Variants in NELL1 observed in about 807,000 individuals in gnomAD.
NELL1 encodes neural EGFL like 1.
Under a neutral mutation model 107.4 loss-of-function variants are expected in NELL1, and 76 were observed. The observed-to-expected ratio is 0.71, with a 90% CI of 0.59 to 0.86. NELL1 has a LOEUF of 0.86. Among genes scored for constraint, NELL1 ranks in the 40% least tolerant of loss-of-function variants. The pLI is 0.00. For synonymous variants in NELL1, 353 were observed against 341.2 expected (o/e 1.03, Z -0.38); for missense variants, 1,024 against 1,005.5 (o/e 1.02, Z -0.25).
At chr11:21,381,072 C>G (rs575587829) in intron 15 of NELL1, among the ~76,000 whole-genome samples, 6 of 152,066 alleles carry the variant, frequency 3.9e-5, no homozygotes, top group Admixed American at 3.9e-4. Context: ...GATTCTAACC[C>G]GTGTATTGCT....
In NELL1 at chr11:21,394,440, G is replaced by GTA. The variant is rs541947713; in HGVS notation, c.1645+23500_1645+23501dup. The stretch of plus-strand genomic sequence containing the variant: ...TATGTATATAGCCCTATATATGTGT[G>GTA]TATATATATGGCCGTGTGTGTGTGT... On this transcript the variant is annotated intron_variant, in intron 15 of 19. Transcript: ENST00000357134. Among the ~76,000 whole-genome samples the GTA allele has an allele frequency of 2.4e-3, 357 of 151,428 alleles. 1 individual carries two copies. The highest frequency in any genetic ancestry group is 0.02 in the Middle Eastern group (6 of 294).
chr11:21,279,679 A>G lies in NELL1; in HGVS notation c.1549+50225A>G, dbSNP rs1848947823. On this transcript the variant is annotated intron_variant, in intron 14 of 19. Coordinates refer to ENST00000357134, the MANE Select transcript of NELL1 (RefSeq NM_006157.5). ...AAAGCAGTTTCTCACAAAGCTAAGC[A>G]TGTTCTTACCATGCGATACAGCAAT... 2.0e-5 allele frequency among the ~76,000 whole-genome samples: 3 copies of G among 152,220 alleles called. No individual in the cohort carries two copies. The South Asian group carries it at 6.2e-4, about 31-fold the overall frequency.
chr11:21,407,983 T>C (rs192851039), intron 15 of NELL1, among the ~76,000 whole-genome samples: 2 of 152,066 alleles, frequency 1.3e-5, no homozygotes, highest in East Asian at 2.0e-4. Flanking sequence ...ATATGCTTCT[T>C]ATATGTTTCT....
rs1367435136 is a variant in NELL1 at position 21,173,581 on chromosome 11, T to A, written c.1427-55751T>A. ...TGCCTTCAGTTTAGTTCAACAGTTA[T>A]TTGAGAGCAAACTAGGTACTGAATG... On this transcript the variant is annotated intron_variant, in intron 13 of 19. Coordinates refer to ENST00000357134, the MANE Select transcript of NELL1 (RefSeq NM_006157.5). Among the ~76,000 whole-genome samples the A allele has an allele frequency of 1.3e-5, 2 of 151,840 alleles. 1 individual carries two copies. Among genetic ancestry groups the A allele is most frequent in the African/African-American group, 4.9e-5 (2 of 41,154 alleles).
chr11:21,465,666 T>G (rs1461882805), intron 15 of NELL1, among the ~76,000 whole-genome samples: 2 of 152,092 alleles, frequency 1.3e-5, no homozygotes, highest in Non-Finnish European at 2.9e-5. Context: ...ACAAGTTATT[T>G]TCTGAAGAGA....
At chr11:20,850,800 A>G (rs1177911183) in intron 4 of NELL1, among the ~76,000 whole-genome samples, 1 of 152,188 alleles carries the variant, frequency 6.6e-6, no homozygotes, top group African/African-American at 2.4e-5. Context: ...GAAGGGATAT[A>G]CATTTATTGA....
intron 3 of NELL1, among the ~76,000 whole-genome samples, chr11:20,813,488 G>T (rs1008296725): frequency 1.3e-5 from 2 of 152,016 alleles, no homozygotes; most frequent in African/African-American, 4.8e-5. Context: ...ACCATTGCTG[G>T]CTCATTTGTC....
At chr11:21,126,989 A>C (rs1337691025) in intron 13 of NELL1, among the ~76,000 whole-genome samples, 1 of 152,250 alleles carries the variant, frequency 6.6e-6, no homozygotes, top group African/African-American at 2.4e-5. Flanking sequence ...CCCTTTAAAA[A>C]TTTAACTTTG....
chr11:21,157,126 C>T (rs184604034), intron 13 of NELL1, among the ~76,000 whole-genome samples: 5 of 146,810 alleles, frequency 3.4e-5, no homozygotes, highest in African/African-American at 7.6e-5. Context: ...TATATATACA[C>T]GTACATATAT....
intron 15 of NELL1, among the ~76,000 whole-genome samples, chr11:21,399,244 G>A (rs973571444): frequency 6.6e-6 from 1 of 151,570 alleles, no homozygotes; most frequent in African/African-American, 2.4e-5. Context: ...TGATGAGTAG[G>A]GAGGAAGCAA....
intron 15 of NELL1, among the ~76,000 whole-genome samples, chr11:21,479,290 T>G (rs952836320): frequency 6.6e-6 from 1 of 152,148 alleles, no homozygotes; most frequent in Non-Finnish European, 1.5e-5. Flanking sequence ...GCAACCTAAA[T>G]GTCCATCAAC....
intron 12 of NELL1, among the ~76,000 whole-genome samples, chr11:21,012,511 T>A (rs1852470484): frequency 1.3e-5 from 2 of 152,126 alleles, no homozygotes; most frequent in Admixed American, 6.5e-5. Context: ...GATGAGAACC[T>A]CTTGCCCACT....
intron 5 of NELL1, among the ~76,000 whole-genome samples, chr11:20,917,012 A>G (rs1850272860): frequency 6.6e-6 from 1 of 152,004 alleles, no homozygotes; most frequent in Non-Finnish European, 1.5e-5. Flanking sequence ...AAATTGCCAC[A>G]TGTGCTTGAA....
Position 21,055,638 on chromosome 11 carries a change from C to T in NELL1, c.1301-57951C>T, listed in dbSNP as rs115042051. ...GGTTTTATTTAGGAAAGATATTGACCGACGGTTTTATTTTTTGACTCATCT... is the reference window on the plus strand; with the variant it reads ...GGTTTTATTTAGGAAAGATATTGACTGACGGTTTTATTTTTTGACTCATCT... On this transcript the variant is annotated intron_variant, in intron 12 of 19. Transcript: ENST00000357134. Among the ~76,000 whole-genome samples, 459 of 151,800 alleles carry T rather than the reference C, an allele frequency of 3.0e-3. 1 individual carries two copies. The highest frequency in any genetic ancestry group is 0.01 in the African/African-American group (424 of 41,414).
At chr11:21,549,920 TGG>T (rs1856535489) in intron 16 of NELL1, among the ~76,000 whole-genome samples, 2 of 139,662 alleles carry the variant, frequency 1.4e-5, no homozygotes, top group African/African-American at 3.3e-5. Context: ...AATAAAAGAG[TGG>T]AAAAAGAGTG....
intron 15 of NELL1, among the ~76,000 whole-genome samples, chr11:21,472,245 A>AAAT (rs2133887631): frequency 6.6e-6 from 1 of 152,128 alleles, no homozygotes; most frequent in South Asian, 2.1e-4. Context: ...TGGAAAAATT[A>AAAT]AATTCATTCT....
chr11:20,779,079 CCT>C (rs1856806444), intron 2 of NELL1, among the ~76,000 whole-genome samples: 1 of 152,118 alleles, frequency 6.6e-6, no homozygotes, highest in African/African-American at 2.4e-5. Context: ...CCACATGCTT[CCT>C]CTATTGGAAA....
intron 2 of NELL1, among the ~76,000 whole-genome samples, chr11:20,782,040 CA>C (rs34426520): frequency 0.011 from 1,461 of 135,266 alleles, 17 homozygotes; most frequent in African/African-American, 0.025. Flanking sequence ...ACCCTCATCT[CA>C]AAAAAAAAAA....
At chr11:21,401,109 C>T (rs1378961506) in intron 15 of NELL1, among the ~76,000 whole-genome samples, 1 of 151,878 alleles carries the variant, frequency 6.6e-6, no homozygotes, top group Non-Finnish European at 1.5e-5. Flanking sequence ...TTATACAACC[C>T]TTTCTGTAAT....
Sources: allele counts gnomAD v4.1 joint callset (sites outside exome capture counted in the v4.1 genomes callset), GRCh38; gene constraint gnomAD v4.1.1; transcripts MANE v1.5; gene names NCBI Gene and HGNC (gene_info 2026-07-23, HGNC 2026-07-21).